SNX4: variants seen among roughly 807,000 people sequenced by gnomAD.
The protein encoded by SNX4 is sorting nexin-4.
Under a neutral mutation model 70.8 loss-of-function variants are expected in SNX4, and 49 were observed. The ratio of observed to expected loss-of-function variants is 0.69; its 90% CI spans 0.55 to 0.88. SNX4 has a LOEUF of 0.88. Among genes scored for constraint, SNX4 ranks in the 40% least tolerant of loss-of-function variants. SNX4 has a pLI of 0.00. For missense variants in SNX4, 528 were observed against 544.8 expected (o/e 0.97, Z 0.31); for synonymous variants, 206 against 183.8 (o/e 1.12, Z -0.98).
chr3:125,507,267 A>C, intron 1 of SNX4, among the ~76,000 whole-genome samples: 1 of 151,920 alleles, frequency 6.6e-6, no homozygotes, highest in Non-Finnish European at 1.5e-5. Flanking sequence ...TTAAAAGTTC[A>C]CTAGAGGGGT....
At chr3:125,501,552 G>A (rs181360827) in intron 2 of SNX4, among the ~76,000 whole-genome samples, 14 of 152,006 alleles carry the variant, frequency 9.2e-5, no homozygotes, top group African/African-American at 2.9e-4. Context: ...CCTGGGAAGA[G>A]GAGGTTGCAG....
rs778518316 is a variant in SNX4, at chr3:125,464,564, C to CTTTTTTTTTTTTTTTTTTT, written c.855-3723_855-3705dup. Among the ~76,000 whole-genome samples the CTTTTTTTTTTTTTTTTTTT allele has an allele frequency of 4.5e-5, 3 of 67,054 alleles. 1 individual carries two copies. In the Admixed American group the frequency reaches 6.3e-4, roughly 14 times the overall value. The allele number at this position is 67,054 out of a possible 152,430, so 44.0% of individuals were successfully genotyped here. On this transcript the variant is annotated intron_variant, in intron 9 of 13. Coordinates refer to ENST00000251775, the MANE Select transcript of SNX4 (RefSeq NM_003794.4). ...CTGTTCCATTGATCTATTTATCTTT[C>CTTTTTTTTTTTTTTTTTTT]TTTTTTTTTTTTTTTTTTTTTTTTT...
intron 5 of SNX4, among the ~76,000 whole-genome samples, chr3:125,492,520 G>T (rs1254337720): frequency 6.6e-6 from 1 of 151,906 alleles, no homozygotes; most frequent in African/African-American, 2.4e-5. Flanking sequence ...CTCTAAAGGG[G>T]TCCCATTTGG....
At chr3:125,505,534 C>T (rs1935027619) in intron 1 of SNX4, among the ~76,000 whole-genome samples, 1 of 152,228 alleles carries the variant, frequency 6.6e-6, no homozygotes, top group South Asian at 2.1e-4. Flanking sequence ...TAGCAGGCAG[C>T]TGTGCAGCAT....
intron 1 of SNX4, among the ~76,000 whole-genome samples, chr3:125,514,351 A>G (rs1054397502): frequency 2.6e-5 from 4 of 151,286 alleles, no homozygotes; most frequent in Non-Finnish European, 5.9e-5. Context: ...TAACACATTC[A>G]TGGTCCATGA....
chr3:125,503,386 A>G (rs1934974607), intron 2 of SNX4, among the ~76,000 whole-genome samples: 1 of 152,214 alleles, frequency 6.6e-6, no homozygotes, highest in Non-Finnish European at 1.5e-5. Context: ...CTTTAGACAA[A>G]ACAACTCTAA....
intron 11 of SNX4, among the ~76,000 whole-genome samples, chr3:125,456,688 T>C (rs1442681005): frequency 6.6e-6 from 1 of 151,968 alleles, no homozygotes; most frequent in Non-Finnish European, 1.5e-5. Flanking sequence ...TGAGATGGAG[T>C]CTTGCTCTGT....
intron 7 of SNX4, among the ~76,000 whole-genome samples, chr3:125,479,499 G>A (rs1934356348): frequency 6.6e-6 from 1 of 151,790 alleles, no homozygotes; most frequent in Non-Finnish European, 1.5e-5. Flanking sequence ...AGGTTGCAGT[G>A]AGCTGAGATT....
At chr3:125,470,959 A>G (rs894300017) in intron 8 of SNX4, among the ~76,000 whole-genome samples, 1 of 152,212 alleles carries the variant, frequency 6.6e-6, no homozygotes, top group Non-Finnish European at 1.5e-5. Context: ...AGCTGATCAG[A>G]GACAGAGCTG....
At chr3:125,469,274 G>C (rs1316670225) in intron 9 of SNX4, among the ~76,000 whole-genome samples, 180 bp downstream of exon 9, 1 of 152,176 alleles carries the variant, frequency 6.6e-6, no homozygotes, top group Non-Finnish European at 1.5e-5. Context: ...ATATGAATTA[G>C]ATGGATTTTC....
chr3:125,478,057 CTTCTTA>C (rs1559815974), intron 7 of SNX4, among the ~76,000 whole-genome samples: 1 of 150,094 alleles, frequency 6.7e-6, no homozygotes, highest in African/African-American at 2.5e-5. Flanking sequence ...CCTTCTTCTT[CTTCTTA>C]TTATTATTAC....
At chr3:125,483,269 T>G (rs1934456625) in intron 6 of SNX4, among the ~76,000 whole-genome samples, 1 of 152,050 alleles carries the variant, frequency 6.6e-6, no homozygotes, top group Admixed American at 6.6e-5. Context: ...TTTTATGATT[T>G]GAACTTAAGT....
intron 1 of SNX4, among the ~76,000 whole-genome samples, chr3:125,514,555 C>T (rs1388595093): frequency 6.6e-6 from 1 of 152,124 alleles, no homozygotes; most frequent in Non-Finnish European, 1.5e-5. Context: ...CCATGCCTGG[C>T]TAATTTTCAT....
intron 8 of SNX4, among the ~76,000 whole-genome samples, chr3:125,472,298 C>A (rs1215463151): frequency 6.6e-6 from 1 of 152,070 alleles, no homozygotes; most frequent in African/African-American, 2.4e-5. Context: ...TGGCCCCCAA[C>A]TTTTGAATTT....
At chr3:125,461,529 G>A (rs927411797) in intron 9 of SNX4, among the ~76,000 whole-genome samples, 23 of 152,154 alleles carry the variant, frequency 1.5e-4, no homozygotes. Flanking sequence ...TCTGTAGAAA[G>A]AATAAGAGTT....
chr3:125,460,883 C>T, intron 9 of SNX4, 23 bp from the exon 10 acceptor site: 1 of 1,029,660 alleles, frequency 9.7e-7, no homozygotes, highest in Non-Finnish European at 1.4e-6. Flanking sequence ...AAAAAACACA[C>T]ATTGCATAGA....
chr3:125,474,662 G>T (rs779051860), intron 8 of SNX4, among the ~76,000 whole-genome samples: 3 of 151,964 alleles, frequency 2.0e-5, no homozygotes, highest in African/African-American at 4.8e-5. Context: ...AATTTATTAA[G>T]CTGGCAAAAA....
intron 1 of SNX4, among the ~76,000 whole-genome samples, chr3:125,511,144 C>A (rs538665818): frequency 1.3e-5 from 2 of 152,114 alleles, no homozygotes; most frequent in Non-Finnish European, 2.9e-5. Flanking sequence ...GAACTCCCAA[C>A]CTCAGGTGAT....
At chr3:125,489,333 C>T in intron 6 of SNX4, 75 bp downstream of exon 6, 1 of 1,139,096 alleles carries the variant, frequency 8.8e-7, no homozygotes, top group African/African-American at 1.5e-5. Flanking sequence ...TGCATACATT[C>T]AGAAATGAAA....
Sources: allele counts gnomAD v4.1 joint callset (sites outside exome capture counted in the v4.1 genomes callset), GRCh38; gene constraint gnomAD v4.1.1; transcripts MANE v1.5; gene names NCBI Gene and HGNC (gene_info 2026-07-23, HGNC 2026-07-21).